Variants in MGAT5 observed in about 807,000 individuals in gnomAD.
MGAT5 encodes alpha-1,6-mannosylglycoprotein 6-beta-N-acetylglucosaminyltransferase A.
A neutral mutation model predicts 94.3 loss-of-function variants in MGAT5; 30 were observed. The observed-to-expected ratio is 0.32, with a 90% CI of 0.24 to 0.43. MGAT5 has a LOEUF of 0.43. MGAT5 is among the 20% of genes least tolerant of loss of function. The probability of loss-of-function intolerance (pLI) is 1.00; values close to 1 mark genes in which losing one functional copy is unlikely to be tolerated. For missense variants in MGAT5, 691 were observed against 905.5 expected, an observed-to-expected ratio of 0.76 and a Z score of 3.04; for synonymous variants, 310 against 322.9, an observed-to-expected ratio of 0.96 and a Z score of 0.43.
At chr2:134,244,381 T>C (rs1400988444) in intron 1 of MGAT5, among the ~76,000 whole-genome samples, 1 of 152,072 alleles carries the variant, frequency 6.6e-6, no homozygotes, top group Admixed American at 6.5e-5. Context: ...CCTGTGCTCA[T>C]TGATTTATGG....
At chr2:134,436,027 C>T (rs1374391487) in intron 14 of MGAT5, among the ~76,000 whole-genome samples, 1 of 152,232 alleles carries the variant, frequency 6.6e-6, no homozygotes, top group Non-Finnish European at 1.5e-5. Flanking sequence ...TGTAATCAGC[C>T]AACTCAACTT....
intron 1 of MGAT5, among the ~76,000 whole-genome samples, chr2:134,203,035 G>T (rs1679873697): frequency 6.6e-6 from 1 of 152,140 alleles, no homozygotes; most frequent in Non-Finnish European, 1.5e-5. Context: ...GGATTTATTT[G>T]GTGACTCATA....
rs548414075 is a variant in MGAT5, at chr2:134,336,698, T to C, written c.645+410T>C. 3.2e-4 allele frequency among the ~76,000 whole-genome samples: 49 copies of C among 152,232 alleles called. No homozygotes were observed. In the South Asian group the frequency reaches 1.0e-2, roughly 31 times the overall value. On this transcript the variant is annotated intron_variant, in intron 5 of 15. Transcript: ENST00000281923. ...GTGAAGATGACATTGGGGCCGAATT[T>C]AAATGATGAGTGAGTTTATATAAGG...
intron 2 of MGAT5, among the ~76,000 whole-genome samples, chr2:134,288,721 A>G (rs975829755): frequency 1.3e-5 from 2 of 152,146 alleles, no homozygotes; most frequent in African/African-American, 4.8e-5. Flanking sequence ...TGTGAGTGTA[A>G]TACCTCTGTC....
At chr2:134,383,789 C>T (rs1490575134) in intron 10 of MGAT5, among the ~76,000 whole-genome samples, 1 of 151,954 alleles carries the variant, frequency 6.6e-6, no homozygotes, top group Non-Finnish European at 1.5e-5. Flanking sequence ...CTGCAAGCTC[C>T]GCCTCCTGGG....
At chr2:134,304,750 T>C (rs1231754619) in intron 2 of MGAT5, among the ~76,000 whole-genome samples, 1 of 152,158 alleles carries the variant, frequency 6.6e-6, no homozygotes, top group Non-Finnish European at 1.5e-5. Flanking sequence ...GATAGCCTGA[T>C]TTTTTGTTTT....
At chr2:134,374,482 A>C (rs1473333962) in intron 10 of MGAT5, among the ~76,000 whole-genome samples, 4 of 152,228 alleles carry the variant, frequency 2.6e-5, no homozygotes, top group African/African-American at 9.7e-5. Flanking sequence ...TGTTGGAAGC[A>C]GATTTCAACC....
intron 1 of MGAT5, among the ~76,000 whole-genome samples, chr2:134,208,968 C>T (rs1240910830): frequency 6.6e-6 from 1 of 152,152 alleles, no homozygotes; most frequent in African/African-American, 2.4e-5. Flanking sequence ...GTTCTGGGAG[C>T]AGGGTTTCCT....
chr2:134,255,835 C>T (rs1682931093), intron 1 of MGAT5, among the ~76,000 whole-genome samples: 1 of 152,136 alleles, frequency 6.6e-6, no homozygotes, highest in Non-Finnish European at 1.5e-5. Flanking sequence ...TGTGCAGCAA[C>T]AGTTCAGTTC....
intron 4 of MGAT5, among the ~76,000 whole-genome samples, chr2:134,328,357 A>G (rs1324898666): frequency 1.3e-5 from 2 of 152,068 alleles, no homozygotes; most frequent in Admixed American, 1.3e-4. Context: ...GCAGCAGTAC[A>G]GTGTTAGAGG....
chr2:134,412,747 C>T, intron 11 of MGAT5, 122 bp from the exon 12 acceptor site: 2 of 1,270,390 alleles, frequency 1.6e-6, no homozygotes, highest in Non-Finnish European at 2.2e-6. Flanking sequence ...TGGGAGCCTT[C>T]CAAAGTGAGG....
At chr2:134,423,950 A>T (rs774774780) in intron 13 of MGAT5, among the ~76,000 whole-genome samples, 1 of 152,202 alleles carries the variant, frequency 6.6e-6, no homozygotes, top group Non-Finnish European at 1.5e-5. Flanking sequence ...CCACGTAGGG[A>T]TTTACCCAAT....
chr2:134,277,899 G>C (rs1684474629), intron 2 of MGAT5, among the ~76,000 whole-genome samples: 1 of 152,156 alleles, frequency 6.6e-6, no homozygotes, highest in South Asian at 2.1e-4. Context: ...TTGTGCCTCT[G>C]TTATCAATAT....
At chr2:134,143,754 CT>C (rs1379134864) in intron 1 of MGAT5, among the ~76,000 whole-genome samples, 1 of 152,154 alleles carries the variant, frequency 6.6e-6, no homozygotes, top group Non-Finnish European at 1.5e-5. Context: ...GTGCAGTAAC[CT>C]GGTAACAATG....
upstream of MGAT5, among the ~76,000 whole-genome samples, chr2:134,251,126 C>T (rs1682562533): frequency 6.6e-6 from 1 of 151,808 alleles, no homozygotes; most frequent in African/African-American, 2.4e-5. Flanking sequence ...TGTAGCACCT[C>T]ATTGGCTTGC....
At chr2:134,126,868 C>A (rs55993079) in intron 1 of MGAT5, among the ~76,000 whole-genome samples, 1,733 of 152,006 alleles carry the variant, frequency 0.011, 17 homozygotes, top group Non-Finnish European at 0.017. Context: ...AGTTTGGTAT[C>A]AGTCTTCTTG....
chr2:134,340,999 GTTCAAGTTATATTT>G (rs1317284193), intron 6 of MGAT5, among the ~76,000 whole-genome samples: 1 of 152,186 alleles, frequency 6.6e-6, no homozygotes, highest in Non-Finnish European at 1.5e-5. Flanking sequence ...TAATAGTGAT[GTTCAAGTTATATTT>G]TTCAAGTGAA....
At chr2:134,297,790 G>A (rs1685766752) in intron 2 of MGAT5, among the ~76,000 whole-genome samples, 1 of 151,900 alleles carries the variant, frequency 6.6e-6, no homozygotes. Context: ...AAATGGCAAG[G>A]CTGTTCACTC....
chr2:134,289,281 T>C (rs1685200084), intron 2 of MGAT5, among the ~76,000 whole-genome samples: 1 of 152,180 alleles, frequency 6.6e-6, no homozygotes, highest in Non-Finnish European at 1.5e-5. Flanking sequence ...AAGGCAACCA[T>C]TGCTGGGCTG....
Sources: allele counts gnomAD v4.1 joint callset (sites outside exome capture counted in the v4.1 genomes callset), GRCh38; gene constraint gnomAD v4.1.1; transcripts MANE v1.5; gene names NCBI Gene and HGNC (gene_info 2026-07-23, HGNC 2026-07-21).